Variants in THSD7B observed in about 807,000 individuals in gnomAD.
THSD7B encodes thrombospondin type-1 domain-containing protein 7B.
A neutral mutation model predicts 213.6 loss-of-function variants in THSD7B; 138 were observed. That is an observed-to-expected ratio of 0.65 (90% CI 0.56 to 0.74). THSD7B has a LOEUF of 0.74. THSD7B is among the 30% of genes least tolerant of loss of function. The pLI, the probability that THSD7B is intolerant of heterozygous loss-of-function variation, is 0.00. For synonymous variants in THSD7B, 742 were observed against 687.0 expected, an observed-to-expected ratio of 1.08 and a Z score of -1.25; for missense variants, 1,931 against 1,991.5, an observed-to-expected ratio of 0.97 and a Z score of 0.58.
chr2:136,897,213 T>A (rs1573696561), intron 2 of THSD7B, among the ~76,000 whole-genome samples: 1 of 152,304 alleles, frequency 6.6e-6, no homozygotes, highest in Non-Finnish European at 1.5e-5. Flanking sequence ...CGTAACTGGT[T>A]CCTTCCGGTG....
At chr2:137,584,317 G>T (rs1681659931) in intron 17 of THSD7B, among the ~76,000 whole-genome samples, 1 of 152,138 alleles carries the variant, frequency 6.6e-6, no homozygotes, top group Non-Finnish European at 1.5e-5. Context: ...TTTCCTAATT[G>T]AATACCAGTT....
At chr2:136,897,747 C>A in intron 2 of THSD7B, among the ~76,000 whole-genome samples, 1 of 152,258 alleles carries the variant, frequency 6.6e-6, no homozygotes, top group African/African-American at 2.4e-5. Flanking sequence ...GGTGCATTTA[C>A]AAACCTTTAG....
intron 2 of THSD7B, among the ~76,000 whole-genome samples, chr2:136,907,910 A>G (rs1169026684): frequency 6.6e-6 from 1 of 152,244 alleles, no homozygotes; most frequent in East Asian, 1.9e-4. Context: ...ATTTTAGGTG[A>G]TAGTGGTGAC....
intron 12 of THSD7B, among the ~76,000 whole-genome samples, chr2:137,314,960 G>C (rs1300844523): frequency 6.6e-6 from 1 of 152,232 alleles, no homozygotes; most frequent in East Asian, 1.9e-4. Context: ...TTGTCTTTTT[G>C]TTTGTCTGTG....
intron 15 of THSD7B, among the ~76,000 whole-genome samples, chr2:137,542,002 G>A (rs573852080): frequency 7.9e-5 from 12 of 151,186 alleles, no homozygotes; most frequent in East Asian, 7.8e-4. Flanking sequence ...CGGGAGTCCC[G>A]GAAAAAAAGA....
At chr2:137,430,798 G>A (rs1426896372) in intron 14 of THSD7B, among the ~76,000 whole-genome samples, 2 of 152,190 alleles carry the variant, frequency 1.3e-5, no homozygotes, top group African/African-American at 2.4e-5. Context: ...GAGAGTGTGA[G>A]ACAAGTCAGC....
chr2:136,827,224 C>T (rs1290840098), intron 1 of THSD7B, among the ~76,000 whole-genome samples: 1 of 152,198 alleles, frequency 6.6e-6, no homozygotes, highest in African/African-American at 2.4e-5. Context: ...CTTTCATTGA[C>T]TTGGAGTACA....
At chr2:137,519,046 G>A (rs766117100) in intron 15 of THSD7B, among the ~76,000 whole-genome samples, 12 of 152,176 alleles carry the variant, frequency 7.9e-5, no homozygotes, top group Non-Finnish European at 1.5e-4. Flanking sequence ...AGGAGTTCAA[G>A]ACCAGCCTGG....
At chr2:137,125,165 C>T (rs1352700975) in intron 5 of THSD7B, among the ~76,000 whole-genome samples, 1 of 152,156 alleles carries the variant, frequency 6.6e-6, no homozygotes, top group Non-Finnish European at 1.5e-5. Flanking sequence ...TTCTCCACTG[C>T]TCCAAAATTC....
At chr2:136,776,416 A>G (rs774805077) in intron 1 of THSD7B, among the ~76,000 whole-genome samples, 1 of 151,272 alleles carries the variant, frequency 6.6e-6, no homozygotes, top group South Asian at 2.1e-4. Context: ...TGGCCTCCCA[A>G]TGCAGGCAGA....
At position 137,229,350 on chromosome 2, in the gene THSD7B, G is replaced by GGTGT. The variant is rs143029313; in HGVS notation, c.1724-1675_1724-1672dup. 9.6e-3 allele frequency among the ~76,000 whole-genome samples: 1,437 copies of GGTGT among 150,122 alleles called. 15 individuals are homozygous for GGTGT. Among genetic ancestry groups the GGTGT allele is most frequent in the Middle Eastern group, 0.01 (3 of 286 alleles). ...CTATACTTGTGAAAGTGCTGTATTG[G>GGTGT]GTGTGTGTGTGTGTGTGTGTGTTAC... On this transcript the variant is annotated intron_variant, in intron 7 of 27. Coordinates refer to ENST00000409968, the MANE Select transcript of THSD7B (RefSeq NM_001316349.2).
chr2:137,391,175 G>T (rs745789750), intron 12 of THSD7B, among the ~76,000 whole-genome samples: 6 of 151,868 alleles, frequency 4.0e-5, no homozygotes, highest in Non-Finnish European at 7.4e-5. Context: ...GTTTGTTCTT[G>T]GTTTCATTTT....
chr2:137,237,113 C>CAAAAA (rs70978209), intron 9 of THSD7B, among the ~76,000 whole-genome samples: 1 of 109,574 alleles, frequency 9.1e-6, no homozygotes, highest in African/African-American at 3.6e-5. Context: ...AACTCCGTCT[C>CAAAAA]AAAAAAAAAA....
intron 12 of THSD7B, among the ~76,000 whole-genome samples, chr2:137,310,211 T>A (rs375771316): frequency 6.6e-6 from 1 of 152,176 alleles, no homozygotes; most frequent in Non-Finnish European, 1.5e-5. Flanking sequence ...TGGTGTGAAA[T>A]GTTATCTCAC....
chr2:137,488,661 A>G (rs1241135518), intron 15 of THSD7B, among the ~76,000 whole-genome samples: 2 of 152,220 alleles, frequency 1.3e-5, no homozygotes, highest in African/African-American at 4.8e-5. Context: ...GTGTACTCAA[A>G]ATCACCCATC....
At chr2:137,564,099 TAAG>T (rs907037479) in intron 16 of THSD7B, among the ~76,000 whole-genome samples, 5 of 152,184 alleles carry the variant, frequency 3.3e-5, no homozygotes, top group African/African-American at 1.2e-4. Context: ...GTAAAATAAA[TAAG>T]AAGCATAACT....
At chr2:136,820,575 T>C (rs1682551186) in intron 1 of THSD7B, among the ~76,000 whole-genome samples, 1 of 152,190 alleles carries the variant, frequency 6.6e-6, no homozygotes, top group Admixed American at 6.5e-5. Flanking sequence ...AGGAAGTTTC[T>C]GGACTAAGGG....
At chr2:137,192,319 T>A (rs1339868584) in intron 7 of THSD7B, among the ~76,000 whole-genome samples, 1 of 152,056 alleles carries the variant, frequency 6.6e-6, no homozygotes, top group African/African-American at 2.4e-5. Flanking sequence ...GTATAGGCAG[T>A]GAACAAGGTG....
chr2:137,081,504 A>T (rs1161497749), intron 3 of THSD7B, among the ~76,000 whole-genome samples: 5 of 151,568 alleles, frequency 3.3e-5, no homozygotes, highest in South Asian at 2.1e-4. Context: ...AATTTTGAAA[A>T]TTTTTTTGCT....
Sources: allele counts gnomAD v4.1 joint callset (sites outside exome capture counted in the v4.1 genomes callset), GRCh38; gene constraint gnomAD v4.1.1; transcripts MANE v1.5; gene names NCBI Gene and HGNC (gene_info 2026-07-23, HGNC 2026-07-21).